FA2H: variants seen among roughly 807,000 people sequenced by gnomAD.
FA2H encodes fatty acid alpha-hydroxylase.
Under a neutral mutation model 44.9 loss-of-function variants are expected in FA2H, and 22 were observed. That is an observed-to-expected ratio of 0.49 (90% CI 0.35 to 0.70). FA2H has a LOEUF of 0.70. FA2H is among the 30% of genes least tolerant of loss of function. FA2H has a pLI of 0.01. For synonymous variants in FA2H, 243 were observed against 213.2 expected (o/e 1.14, Z -1.22); for missense variants, 501 against 504.9 (o/e 0.99, Z 0.07).
chr16:74,714,457 C>T (rs368374355), intron 6 of FA2H, among the ~76,000 whole-genome samples, 188 bp from the exon 7 acceptor site: 42 of 152,310 alleles, frequency 2.8e-4, no homozygotes, highest in African/African-American at 9.9e-4. Context: ...TTATTGTCCC[C>T]AGCATGAAGC....
intron 2 of FA2H, 28 bp downstream of exon 2, chr16:74,739,995 T>C (rs372629179): frequency 6.5e-7 from 1 of 1,547,778 alleles, no homozygotes; most frequent in Non-Finnish European, 8.9e-7. Context: ...CCCCCAGTCA[T>C]CACCCCACTC....
intron 1 of FA2H, among the ~76,000 whole-genome samples, 192 bp downstream of exon 1, chr16:74,774,294 T>C (rs541024368): frequency 1.3e-5 from 2 of 151,612 alleles, no homozygotes; most frequent in Admixed American, 1.3e-4. Flanking sequence ...AGCAAGTTCC[T>C]GGAGAGAGGA....
chr16:74,764,916 AC>A (rs1962780428), intron 1 of FA2H, among the ~76,000 whole-genome samples: 1 of 152,054 alleles, frequency 6.6e-6, no homozygotes. Context: ...GGGGGTCTTA[AC>A]CCTGAGAGCA....
chr16:74,728,965 T>C (rs1255622849), intron 2 of FA2H, among the ~76,000 whole-genome samples: 5 of 145,664 alleles, frequency 3.4e-5, no homozygotes, highest in Middle Eastern at 3.6e-3. Flanking sequence ...GTATTTTTAG[T>C]AGAGACGGGG....
chr16:74,768,829 C>T (rs1018772747), intron 1 of FA2H, among the ~76,000 whole-genome samples: 5 of 152,154 alleles, frequency 3.3e-5, no homozygotes, highest in Non-Finnish European at 5.9e-5. Context: ...CATGCTGAGA[C>T]AGACAAGCCC....
intron 4 of FA2H, among the ~76,000 whole-genome samples, chr16:74,723,892 T>C (rs1961893221): frequency 6.6e-6 from 1 of 151,838 alleles, no homozygotes; most frequent in African/African-American, 2.4e-5. Flanking sequence ...TATTATATAA[T>C]AATATTAATA....
At chr16:74,771,466 C>T (rs1324093643) in intron 1 of FA2H, among the ~76,000 whole-genome samples, 5 of 151,978 alleles carry the variant, frequency 3.3e-5, no homozygotes. Context: ...GCTGGGAGGG[C>T]ACCACCACAC....
At chr16:74,752,351 C>T (rs1473163375) in intron 1 of FA2H, among the ~76,000 whole-genome samples, 1 of 152,122 alleles carries the variant, frequency 6.6e-6, no homozygotes, top group Non-Finnish European at 1.5e-5. Context: ...ATCTAAATCC[C>T]TGGCCATGAC....
Position 74,713,117 on chromosome 16 carries a change from A to T in FA2H, c.*1073T>A, listed in dbSNP as rs1961614043. On this transcript the variant is annotated 3_prime_UTR_variant, in exon 7 of 7. Coordinates refer to ENST00000219368, the MANE Select transcript of FA2H (RefSeq NM_024306.5). Reference sequence around the variant, plus strand: ...CAAACTGCTTCTCTTTAGCCTTTACACTTGGCGAGTTTTTTAAGTTTCAAG... The same window carrying T: ...CAAACTGCTTCTCTTTAGCCTTTACTCTTGGCGAGTTTTTTAAGTTTCAAG... 1 of 152,592 alleles carries T rather than the reference A, an allele frequency of 6.6e-6. No individual in the cohort carries two copies. The highest frequency in any genetic ancestry group is 6.5e-5 in the Admixed American group (1 of 15,274). 9.5% of individuals were successfully genotyped at this position (152,592 alleles called of 1,614,324 possible).
intron 6 of FA2H, 81 bp from the exon 7 acceptor site, chr16:74,714,350 G>C (rs1266607953): frequency 1.1e-6 from 1 of 875,842 alleles, no homozygotes; most frequent in Admixed American, 2.0e-5. Flanking sequence ...GCCAGGGTAG[G>C]GATAAGAGGT....
chr16:74,718,974 C>A lies in FA2H; in HGVS notation c.786+14G>T. On this transcript the variant is annotated intron_variant, in intron 5 of 6. Coordinates refer to ENST00000219368, the MANE Select transcript of FA2H (RefSeq NM_024306.5). ...GCACATGCTAGGTCCGGGCTGGGAC[C>A]CCGCCCCGCTCACCTTGTGGTGCTG... The A allele has an allele frequency of 6.2e-7, 1 of 1,612,952 alleles. No homozygotes were observed. The highest frequency in any genetic ancestry group is 1.7e-4 in the Middle Eastern group (1 of 5,950).
chr16:74,721,479 T>C (rs1442688611), intron 4 of FA2H, among the ~76,000 whole-genome samples: 1 of 152,196 alleles, frequency 6.6e-6, no homozygotes, highest in Non-Finnish European at 1.5e-5. Context: ...AGCCGTTCTC[T>C]TTTAACCCTT....
intron 1 of FA2H, among the ~76,000 whole-genome samples, chr16:74,745,799 ATTTTT>A (rs11365398): frequency 2.8e-5 from 2 of 72,456 alleles, no homozygotes; most frequent in South Asian, 5.4e-4. Context: ...CTGTCAATGG[ATTTTT>A]TTTTTTTTTT....
At position 74,714,214 on chromosome 16, in the gene FA2H, C is replaced by G; in HGVS notation, c.1095G>C (p.Glu365Asp). Reference sequence around the variant, plus strand: ...GTCACTGCGTCTTCAGGTGGGGTTTCTCTGGAGTGAGGGTGTGGAAACAGT... The same window carrying G: ...GTCACTGCGTCTTCAGGTGGGGTTTGTCTGGAGTGAGGGTGTGGAAACAGT... ...WDYCFHTLTPEKPHLKTQ is the reference protein window; with the variant it reads ...WDYCFHTLTPDKPHLKTQ The change falls in exon 7 of 7, where the codon GAG (glutamate) becomes GAC (aspartate). Residue 365 changes from glutamate (E) to aspartate (D), a missense_variant. By Grantham distance (45) the Glu-to-Asp change is conservative. Coordinates refer to ENST00000219368, the MANE Select transcript of FA2H (RefSeq NM_024306.5). 6.4e-7 allele frequency: 1 copy of G among 1,566,238 alleles called. No individual in the cohort carries two copies. The highest frequency in any genetic ancestry group is 8.7e-7 in the Non-Finnish European group (1 of 1,155,018).
chr16:74,772,698 C>G (rs1239744171), intron 1 of FA2H, among the ~76,000 whole-genome samples: 1 of 152,182 alleles, frequency 6.6e-6, no homozygotes, highest in Non-Finnish European at 1.5e-5. Flanking sequence ...TTTCAGGAGT[C>G]CCCCTTATCC....
intron 1 of FA2H, among the ~76,000 whole-genome samples, chr16:74,741,798 A>ATGTG (rs1567643120): frequency 5.0e-5 from 4 of 80,014 alleles, no homozygotes; most frequent in African/African-American, 2.1e-4. Context: ...ATATATATAT[A>ATGTG]TATATATATA....
chr16:74,719,271 G>A (rs2074198960), intron 4 of FA2H, 111 bp from the exon 5 acceptor site: 20 of 908,960 alleles, frequency 2.2e-5, no homozygotes, highest in Non-Finnish European at 3.3e-5. Flanking sequence ...CCCTCTGTTG[G>A]ACAGCTACAG....
At chr16:74,766,375 AAGG>A (rs572315080) in intron 1 of FA2H, among the ~76,000 whole-genome samples, 191 of 152,242 alleles carry the variant, frequency 1.3e-3, no homozygotes, top group African/African-American at 4.5e-3. Flanking sequence ...AGTCTGAGTG[AAGG>A]GGAAAAAAGC....
chr16:74,736,186 G>C (rs1962176124), intron 2 of FA2H, among the ~76,000 whole-genome samples: 1 of 152,186 alleles, frequency 6.6e-6, no homozygotes, highest in South Asian at 2.1e-4. Context: ...CTGAAGAGGG[G>C]CCAGGAGCTC....
Sources: gnomAD v4.1 joint callset for allele counts (sites outside exome capture counted in the v4.1 genomes callset) on GRCh38, gnomAD v4.1.1 for gene constraint, MANE v1.5 for transcripts, NCBI Gene and HGNC (gene_info 2026-07-23, HGNC 2026-07-21) for gene names.